PPM1L: variants seen among roughly 807,000 people sequenced by gnomAD.
The protein encoded by PPM1L is protein phosphatase, Mg2+/Mn2+ dependent 1L.
In PPM1L, 13 loss-of-function variants were observed where a neutral mutation model predicts 31.4. The observed-to-expected ratio is 0.41, with a 90% CI of 0.27 to 0.66. The LOEUF (loss-of-function observed/expected upper bound fraction) is 0.66. Among genes scored for constraint, PPM1L ranks in the 30% least tolerant of loss-of-function variants. The pLI, the probability that PPM1L is intolerant of heterozygous loss-of-function variation, is 0.29. For missense variants in PPM1L, 326 were observed against 453.7 expected (o/e 0.72, Z 2.56); for synonymous variants, 184 against 175.4 (o/e 1.05, Z -0.39).
In PPM1L at chr3:161,069,351, A is replaced by G; in HGVS notation, c.*194A>G. On this transcript the variant is annotated 3_prime_UTR_variant, in exon 4 of 4. Coordinates refer to ENST00000498165, the MANE Select transcript of PPM1L (RefSeq NM_139245.4). ...TTGGCCAATGTAGTTAAGAAACTGG[A>G]AAATGGTTTCTTCATGTTTTCCCAA... 1 of 576,236 alleles carries G rather than the reference A, an allele frequency of 1.7e-6. No homozygotes were observed. The highest frequency in any genetic ancestry group is 2.3e-5 in the South Asian group (1 of 43,408). 35.7% of individuals were successfully genotyped at this position (576,236 alleles called of 1,614,324 possible). A position where few individuals can be genotyped will look rare whatever the true frequency, so the allele number is the denominator to read the frequency against.
At chr3:160,790,279 G>A (rs2108072563) in intron 1 of PPM1L, among the ~76,000 whole-genome samples, 1 of 152,182 alleles carries the variant, frequency 6.6e-6, no homozygotes, top group Non-Finnish European at 1.5e-5. Context: ...TTTTGTTTGT[G>A]AGTTCAGATC....
At chr3:160,862,683 C>A (rs1480112232) in intron 1 of PPM1L, among the ~76,000 whole-genome samples, 2 of 144,810 alleles carry the variant, frequency 1.4e-5, no homozygotes, top group South Asian at 2.1e-4. Context: ...CACACACACA[C>A]ACACACACAC....
chr3:160,932,689 A>G (rs1415733350), intron 1 of PPM1L, among the ~76,000 whole-genome samples: 3 of 152,174 alleles, frequency 2.0e-5, no homozygotes, highest in South Asian at 2.1e-4. Flanking sequence ...ACCAAGATTC[A>G]TGGCATCTTA....
chr3:160,854,038 C>T (rs958853613), intron 1 of PPM1L, among the ~76,000 whole-genome samples: 1 of 152,216 alleles, frequency 6.6e-6, no homozygotes, highest in Non-Finnish European at 1.5e-5. Flanking sequence ...TACCCAGCTA[C>T]TAAAGTTTAC....
intron 2 of PPM1L, among the ~76,000 whole-genome samples, chr3:161,050,562 A>C (rs1719241515): frequency 6.6e-6 from 1 of 152,174 alleles, no homozygotes; most frequent in African/African-American, 2.4e-5. Flanking sequence ...ATGAAATTGG[A>C]ATTTTTATAT....
intron 2 of PPM1L, among the ~76,000 whole-genome samples, chr3:161,010,496 G>A (rs1450686722): frequency 6.6e-6 from 1 of 152,160 alleles, no homozygotes; most frequent in Admixed American, 6.6e-5. Flanking sequence ...GTGTCCATGT[G>A]TCTTTATAGC....
At chr3:160,890,254 C>G (rs1175502144) in intron 1 of PPM1L, among the ~76,000 whole-genome samples, 1 of 152,170 alleles carries the variant, frequency 6.6e-6, no homozygotes, top group Non-Finnish European at 1.5e-5. Flanking sequence ...CCCATCATCT[C>G]AGCCCAAAAC....
chr3:160,765,812 G>C (rs1715088043), intron 1 of PPM1L, among the ~76,000 whole-genome samples: 1 of 152,106 alleles, frequency 6.6e-6, no homozygotes, highest in African/African-American at 2.4e-5. Context: ...TTATATTCAA[G>C]CTTCGACTTT....
chr3:160,978,956 C>T (rs921531413), intron 2 of PPM1L, among the ~76,000 whole-genome samples: 3 of 151,908 alleles, frequency 2.0e-5, no homozygotes, highest in African/African-American at 7.2e-5. Context: ...CTATGTTGGA[C>T]ATACTCTATA....
intron 1 of PPM1L, among the ~76,000 whole-genome samples, chr3:160,903,407 T>C (rs1348977): frequency 0.87 from 132,393 of 152,000 alleles, 57,889 homozygotes; most frequent in Middle Eastern, 0.92. Context: ...GCTGTTAATG[T>C]CTCCAACTGA....
At chr3:160,862,800 G>GA (rs990468042) in intron 1 of PPM1L, among the ~76,000 whole-genome samples, 2 of 151,770 alleles carry the variant, frequency 1.3e-5, no homozygotes, top group East Asian at 3.9e-4. Flanking sequence ...GAGTAGGGGG[G>GA]AAAAAAGCTT....
intron 1 of PPM1L, among the ~76,000 whole-genome samples, chr3:160,880,003 C>G (rs1348976): frequency 0.75 from 113,773 of 151,994 alleles, 42,973 homozygotes; most frequent in Middle Eastern, 0.83. Context: ...CATTTTATGA[C>G]AACAGCTGGT....
chr3:160,960,074 C>T (rs1298340205), intron 1 of PPM1L, among the ~76,000 whole-genome samples: 1 of 151,828 alleles, frequency 6.6e-6, no homozygotes, highest in Admixed American at 6.6e-5. Context: ...AGTCCTATCT[C>T]ATTTTTTCCA....
chr3:160,870,867 A>G (rs1323742888), intron 1 of PPM1L, among the ~76,000 whole-genome samples: 2 of 149,720 alleles, frequency 1.3e-5, no homozygotes, highest in Non-Finnish European at 3.0e-5. Context: ...CAAATCATGC[A>G]ATAATAATAA....
At chr3:160,921,159 T>A (rs1380316360) in intron 1 of PPM1L, among the ~76,000 whole-genome samples, 1 of 152,116 alleles carries the variant, frequency 6.6e-6, no homozygotes, top group African/African-American at 2.4e-5. Flanking sequence ...CAGCAAAAAA[T>A]TAGTATTTAA....
intron 1 of PPM1L, among the ~76,000 whole-genome samples, chr3:160,866,250 C>T (rs1271100221): frequency 6.6e-6 from 1 of 152,182 alleles, no homozygotes; most frequent in Admixed American, 6.5e-5. Flanking sequence ...AATAGTCATA[C>T]AGACACACTT....
intron 1 of PPM1L, among the ~76,000 whole-genome samples, chr3:160,789,377 G>A (rs1296379712): frequency 6.6e-6 from 1 of 151,836 alleles, no homozygotes; most frequent in African/African-American, 2.4e-5. Flanking sequence ...TAATCATATT[G>A]TAAATGCTGA....
chr3:161,073,548 A>G lies in PPM1L; in HGVS notation c.*4391A>G, dbSNP rs1705424552. 1 of 151,750 alleles carries G rather than the reference A, an allele frequency of 6.6e-6. No homozygotes were observed. The highest frequency in any genetic ancestry group is 2.4e-5 in the African/African-American group (1 of 41,192). 9.4% of individuals were successfully genotyped at this position (151,750 alleles called of 1,614,324 possible). ...ATTGATAGCAGAACAATCCTACTTA[A>G]AGCTCTAAACATCATCCCCCCCTTT... On this transcript the variant is annotated 3_prime_UTR_variant, in exon 4 of 4. Transcript: ENST00000498165.
chr3:161,027,454 C>T (rs931332695), intron 2 of PPM1L, among the ~76,000 whole-genome samples: 11 of 152,164 alleles, frequency 7.2e-5, no homozygotes, highest in Non-Finnish European at 1.2e-4. Flanking sequence ...GCCTCACAAT[C>T]GTGGCAGAAG....
Sources: gnomAD v4.1 joint callset for allele counts (sites outside exome capture counted in the v4.1 genomes callset) on GRCh38, gnomAD v4.1.1 for gene constraint, MANE v1.5 for transcripts, NCBI Gene and HGNC (gene_info 2026-07-23, HGNC 2026-07-21) for gene names.